The following NRCAM variants were observed in gnomAD, a reference collection of about 807,000 sequenced individuals.
NRCAM encodes NgCAM-related cell adhesion molecule.
Under a neutral mutation model 156.5 loss-of-function variants are expected in NRCAM, and 83 were observed. That is an observed-to-expected ratio of 0.53 (90% CI 0.44 to 0.64). NRCAM has a LOEUF of 0.64. Among genes scored for constraint, NRCAM ranks in the 30% least tolerant of loss-of-function variants. The pLI, the probability that NRCAM is intolerant of heterozygous loss-of-function variation, is 0.00. For missense variants in NRCAM, 1,417 were observed against 1,597.3 expected, an observed-to-expected ratio of 0.89 and a Z score of 1.92; for synonymous variants, 538 against 563.9, an observed-to-expected ratio of 0.95 and a Z score of 0.65.
At chr7:108,383,810 T>TG (rs1299213594) in intron 2 of NRCAM, among the ~76,000 whole-genome samples, 1 of 152,154 alleles carries the variant, frequency 6.6e-6, no homozygotes, top group Non-Finnish European at 1.5e-5. Context: ...GGTTTTATGT[T>TG]GGGGGTGTGT....
intron 3 of NRCAM, among the ~76,000 whole-genome samples, chr7:108,266,709 C>T (rs185846051): frequency 6.6e-6 from 1 of 152,288 alleles, no homozygotes; most frequent in African/African-American, 2.4e-5. Flanking sequence ...AACTGGGTCT[C>T]CTGCCATCTG....
intron 2 of NRCAM, among the ~76,000 whole-genome samples, chr7:108,395,917 C>T (rs1441264876): frequency 6.6e-6 from 1 of 152,158 alleles, no homozygotes; most frequent in Non-Finnish European, 1.5e-5. Context: ...GCCATCATAC[C>T]ATCTTGTGTT....
intron 2 of NRCAM, among the ~76,000 whole-genome samples, chr7:108,390,688 C>T (rs1444259520): frequency 6.6e-6 from 1 of 152,084 alleles, no homozygotes; most frequent in Non-Finnish European, 1.5e-5. Context: ...TAGATCTTTC[C>T]TGCTTTCCCT....
intron 2 of NRCAM, among the ~76,000 whole-genome samples, chr7:108,397,781 T>TTCA (rs1325887129): frequency 3.9e-5 from 6 of 152,246 alleles, no homozygotes; most frequent in Non-Finnish European, 8.8e-5. Context: ...GGCTTGTTAC[T>TTCA]GTCCTTAACT....
intron 13 of NRCAM, among the ~76,000 whole-genome samples, chr7:108,207,035 G>C (rs962809708): frequency 6.6e-6 from 1 of 152,154 alleles, no homozygotes; most frequent in Non-Finnish European, 1.5e-5. Context: ...ATGGGACGGT[G>C]ACCTTGGAAG....
chr7:108,169,602 A>T (rs972824769), intron 28 of NRCAM, among the ~76,000 whole-genome samples: 1 of 152,178 alleles, frequency 6.6e-6, no homozygotes, highest in African/African-American at 2.4e-5. Context: ...ACACATGCAA[A>T]TTTTGTATCT....
intron 1 of NRCAM, among the ~76,000 whole-genome samples, chr7:108,447,059 A>G (rs1845116096): frequency 6.6e-6 from 1 of 151,958 alleles, no homozygotes; most frequent in Admixed American, 6.6e-5. Context: ...ATTTTTATTC[A>G]GCCTTATTTG....
At chr7:108,181,621 T>TTG (rs2063527997) in intron 24 of NRCAM, among the ~76,000 whole-genome samples, 1 of 151,716 alleles carries the variant, frequency 6.6e-6, no homozygotes, top group African/African-American at 2.4e-5. Context: ...AAAACTTTTT[T>TTG]TTTTTTTAAT....
At chr7:108,335,453 T>TTTTTTTTTTTTTTTC in intron 2 of NRCAM, among the ~76,000 whole-genome samples, 1 of 144,458 alleles carries the variant, frequency 6.9e-6, no homozygotes, top group African/African-American at 2.6e-5. Context: ...TTTTTTTTTT[T>TTTTTTTTTTTTTTTC]TTTTTTCAGT....
intron 2 of NRCAM, among the ~76,000 whole-genome samples, chr7:108,319,980 T>C (rs1296951978): frequency 6.6e-6 from 1 of 152,156 alleles, no homozygotes; most frequent in Non-Finnish European, 1.5e-5. Flanking sequence ...ATAATACTTA[T>C]TTTGCTGCTC....
At chr7:108,185,735 GA>G (rs34028548) in intron 20 of NRCAM, among the ~76,000 whole-genome samples, 54 of 128,458 alleles carry the variant, frequency 4.2e-4, no homozygotes, top group South Asian at 1.9e-3. Context: ...AGAGAGAGAG[GA>G]AAAAAAAAAA....
intron 3 of NRCAM, among the ~76,000 whole-genome samples, chr7:108,282,346 A>G (rs376125386): frequency 6.6e-6 from 1 of 152,220 alleles, no homozygotes; most frequent in South Asian, 2.1e-4. Context: ...CTCTTTAAAG[A>G]AAGAAATCTA....
intron 1 of NRCAM, among the ~76,000 whole-genome samples, chr7:108,450,224 T>C (rs1347727823): frequency 6.6e-6 from 1 of 151,376 alleles, no homozygotes; most frequent in East Asian, 1.9e-4. Context: ...TACAGGAGCA[T>C]TAGTGGTTAT....
intron 3 of NRCAM, among the ~76,000 whole-genome samples, chr7:108,277,513 C>T (rs1477516113): frequency 6.6e-6 from 1 of 151,944 alleles, no homozygotes; most frequent in Non-Finnish European, 1.5e-5. Context: ...ATCCTTTCTT[C>T]TGCTTGATCG....
intron 1 of NRCAM, among the ~76,000 whole-genome samples, chr7:108,447,865 G>A (rs980299407): frequency 1.3e-5 from 2 of 152,204 alleles, no homozygotes; most frequent in Non-Finnish European, 2.9e-5. Flanking sequence ...CGTATTGAGT[G>A]CTATGAAGTG....
At chr7:108,303,299 C>T (rs970550444) in intron 3 of NRCAM, among the ~76,000 whole-genome samples, 2 of 152,094 alleles carry the variant, frequency 1.3e-5, no homozygotes, top group Middle Eastern at 3.2e-3. Flanking sequence ...GTATCACCAC[C>T]ATCTGTCCAG....
chr7:108,275,412 AG>A (rs1288891769), intron 3 of NRCAM, among the ~76,000 whole-genome samples: 2 of 152,164 alleles, frequency 1.3e-5, no homozygotes, highest in Admixed American at 6.5e-5. Flanking sequence ...CCTCAATTTC[AG>A]ACCTGTTATT....
At chr7:108,210,180 T>C (rs1021192891) in intron 11 of NRCAM, among the ~76,000 whole-genome samples, 1 of 152,114 alleles carries the variant, frequency 6.6e-6, no homozygotes, top group Non-Finnish European at 1.5e-5. Flanking sequence ...CATTTAAAAA[T>C]ATTATTACAC....
intron 2 of NRCAM, among the ~76,000 whole-genome samples, chr7:108,318,094 G>T (rs1246078514): frequency 8.8e-6 from 1 of 113,520 alleles, no homozygotes; most frequent in African/African-American, 3.3e-5. Context: ...CGCCCAGACT[G>T]GAGTGGAGTG....
Sources: allele counts gnomAD v4.1 joint callset (sites outside exome capture counted in the v4.1 genomes callset), GRCh38; gene constraint gnomAD v4.1.1; transcripts MANE v1.5; gene names NCBI Gene and HGNC (gene_info 2026-07-23, HGNC 2026-07-21).